KYAT3: variants seen among roughly 807,000 people sequenced by gnomAD.
KYAT3 encodes kynurenine aminotransferase 3, also known as kynurenine--oxoglutarate transaminase 3.
A neutral mutation model predicts 59.0 loss-of-function variants in KYAT3; 50 were observed. That is an observed-to-expected ratio of 0.85 (90% CI 0.68 to 1.07). The LOEUF (loss-of-function observed/expected upper bound fraction) is 1.07, where lower values mean the gene tolerates loss of function less well. Ranked by LOEUF, KYAT3 falls within the 50% of genes least tolerant of loss-of-function variation. The pLI is 0.00. For synonymous variants in KYAT3, 148 were observed against 177.0 expected (o/e 0.84, Z 1.30); for missense variants, 497 against 533.3 (o/e 0.93, Z 0.67).
chr1:88,981,485 T>C (rs1570835397), intron 2 of KYAT3: 1 of 154,922 alleles, frequency 6.5e-6, no homozygotes, highest in Non-Finnish European at 1.5e-5. Flanking sequence ...ATTTGGTCAA[T>C]TACTTAAGTA....
intron 13 of KYAT3, among the ~76,000 whole-genome samples, chr1:88,941,256 A>T (rs546442993): frequency 3.9e-5 from 6 of 152,308 alleles, no homozygotes; most frequent in Non-Finnish European, 2.9e-5. Context: ...TTCTATTCTG[A>T]GCAAGTCTGG....
At chr1:88,983,926 TCA>T in intron 2 of KYAT3, 1 of 1,204,976 alleles carries the variant, frequency 8.3e-7, no homozygotes, top group Non-Finnish European at 1.2e-6. Context: ...GTGGCGGCTG[TCA>T]GTTAGGAGGA....
At chr1:88,934,239 G>T (rs1483900793), downstream of KYAT3, among the ~76,000 whole-genome samples, 1 of 152,126 alleles carries the variant, frequency 6.6e-6, no homozygotes, top group Non-Finnish European at 1.5e-5. Context: ...CGGATCACTT[G>T]AGGCCAGGAG....
intron 10 of KYAT3, among the ~76,000 whole-genome samples, chr1:88,952,238 C>T (rs1042718393): frequency 6.6e-6 from 1 of 152,314 alleles, no homozygotes; most frequent in Admixed American, 6.5e-5. Context: ...AATCAATCGT[C>T]TGTAGATGAT....
the KYAT3 span, among the ~76,000 whole-genome samples, chr1:88,922,564 G>A: frequency 2.0e-5 from 3 of 152,122 alleles, no homozygotes; most frequent in Non-Finnish European, 4.4e-5. Flanking sequence ...CTGTGCATGC[G>A]AAGGATCTGG....
downstream of KYAT3, among the ~76,000 whole-genome samples, chr1:88,932,586 T>G (rs536461406): frequency 6.6e-6 from 1 of 152,188 alleles, no homozygotes; most frequent in South Asian, 2.1e-4. Context: ...CTCAACCTCC[T>G]GGGTTCAAGC....
chr1:88,952,995 T>C (rs555564718), intron 10 of KYAT3, 68 bp downstream of exon 10: 32 of 941,356 alleles, frequency 3.4e-5, no homozygotes, highest in Middle Eastern at 4.3e-4. Flanking sequence ...TCAATTCAAA[T>C]ATGCAATATA....
intron 2 of KYAT3, chr1:88,980,063 A>C (rs181111483): frequency 3.3e-5 from 5 of 152,340 alleles, no homozygotes; most frequent in Admixed American, 3.3e-4. Flanking sequence ...CCATAAACAA[A>C]AAAGTACATG....
At chr1:88,948,430 G>A (rs959735158) in intron 11 of KYAT3, among the ~76,000 whole-genome samples, 4 of 152,038 alleles carry the variant, frequency 2.6e-5, no homozygotes, top group African/African-American at 9.7e-5. Context: ...TCTAACTTTA[G>A]ATTTGTATGG....
At chr1:88,929,139 C>T in the KYAT3 span, among the ~76,000 whole-genome samples, 11 of 152,048 alleles carry the variant, frequency 7.2e-5, no homozygotes, top group African/African-American at 2.4e-4. Flanking sequence ...AAAGGCAGTA[C>T]CCCCTTAGAC....
intron 1 of KYAT3, among the ~76,000 whole-genome samples, chr1:88,992,123 C>T (rs1677839070): frequency 6.6e-6 from 1 of 151,966 alleles, no homozygotes; most frequent in Admixed American, 6.5e-5. Context: ...GGACTACAGG[C>T]GCCCGCCACC....
In KYAT3 at chr1:88,974,565, T is replaced by C. The variant is rs1471992708; in HGVS notation, c.100-5098A>G. Among the ~76,000 whole-genome samples, 3 of 149,632 alleles carry C rather than the reference T, an allele frequency of 2.0e-5. No individual in the cohort carries two copies. In the Admixed American group the frequency reaches 2.0e-4, roughly 10 times the overall value. On this transcript the variant is annotated intron_variant, in intron 2 of 13. Coordinates refer to ENST00000260508, the MANE Select transcript of KYAT3 (RefSeq NM_001008661.3). ...CTCGGCTCACTGCAACCTCTGCCTC[T>C]TGGGTTCAAGCGATTCCCCTGCCTC... is the stretch of plus-strand genomic sequence containing the variant.
At chr1:88,953,892 T>C (rs12749373) in intron 9 of KYAT3, among the ~76,000 whole-genome samples, 63,372 of 150,310 alleles carry the variant, frequency 0.42, 14,180 homozygotes, top group Non-Finnish European at 0.49. Flanking sequence ...GCTCCCTCCT[T>C]CTTCTTCTTC....
rs915724049 is a variant in KYAT3 at position 88,983,938 on chromosome 1, A to G, written c.99+4314T>C. On this transcript the variant is annotated intron_variant, in intron 2 of 13. Transcript: ENST00000260508. Reference sequence around the variant, plus strand: ...CCAGTGGCGGCTGTCAGTTAGGAGGACTGAACCGCGAAGCCGCTAGCACTA... The same window carrying G: ...CCAGTGGCGGCTGTCAGTTAGGAGGGCTGAACCGCGAAGCCGCTAGCACTA... 1.4e-4 allele frequency: 165 copies of G among 1,159,886 alleles called. 1 individual carries two copies. Among genetic ancestry groups the G allele is most frequent in the Middle Eastern group, 1.0e-3 (5 of 4,924 alleles). The allele number at this position is 1,159,886 out of a possible 1,614,324, so 71.8% of individuals were successfully genotyped here. A position where few individuals can be genotyped will look rare whatever the true frequency, so the allele number is the denominator to read the frequency against.
rs117401367 is a variant in KYAT3, at chr1:88,962,896, T to C, written c.454-751A>G. Among the ~76,000 whole-genome samples, 150 of 152,182 alleles carry C rather than the reference T, an allele frequency of 9.9e-4. 2 individuals are homozygous for C. The East Asian group carries it at 0.026, about 27-fold the overall frequency. On this transcript the variant is annotated intron_variant, in intron 5 of 13. Transcript: ENST00000260508. ...TGAGAGCACAATAAAGGAAAATAAA[T>C]TGGAGAGGCAGGGCAGTAGAGTGGG...
the KYAT3 span, among the ~76,000 whole-genome samples, chr1:88,924,372 C>T: frequency 6.6e-6 from 1 of 152,222 alleles, no homozygotes; most frequent in African/African-American, 2.4e-5. Flanking sequence ...AAATCACACT[C>T]TTGCTGGGCT....
chr1:88,923,494 G>A, the KYAT3 span: 3 of 163,592 alleles, frequency 1.8e-5, no homozygotes, highest in East Asian at 1.7e-4. Flanking sequence ...GCAGCCAAGA[G>A]GCCAACAGCA....
chr1:88,965,686 C>T (rs944063011), intron 4 of KYAT3, among the ~76,000 whole-genome samples: 2 of 152,022 alleles, frequency 1.3e-5, no homozygotes, highest in Non-Finnish European at 2.9e-5. Context: ...TTTCCTTTCC[C>T]CCTCCTTGTT....
At chr1:88,937,189 G>A (rs898235502) in intron 13 of KYAT3, among the ~76,000 whole-genome samples, 1 of 152,176 alleles carries the variant, frequency 6.6e-6, no homozygotes, top group Admixed American at 6.5e-5. Context: ...TGACAGTGGT[G>A]GCCTGGTATG....
Sources: gnomAD v4.1 joint callset for allele counts (sites outside exome capture counted in the v4.1 genomes callset) on GRCh38, gnomAD v4.1.1 for gene constraint, MANE v1.5 for transcripts, NCBI Gene and HGNC (gene_info 2026-07-23, HGNC 2026-07-21) for gene names.